Variants in BTRC observed in about 807,000 individuals in gnomAD.
The protein encoded by BTRC is beta-transducin repeat containing E3 ubiquitin protein ligase.
BTRC carries 42 observed loss-of-function variants against 85.5 expected under a neutral mutation model. The observed-to-expected ratio is 0.49, with a 90% CI of 0.38 to 0.64. The LOEUF (loss-of-function observed/expected upper bound fraction) is 0.64. Ranked by LOEUF, BTRC falls within the 30% of genes least tolerant of loss-of-function variation. The pLI is 0.00. For missense variants in BTRC, 594 were observed against 743.5 expected (o/e 0.80, Z 2.34); for synonymous variants, 255 against 263.3 (o/e 0.97, Z 0.30).
chr10:101,442,736 G>A (rs189078039), intron 2 of BTRC, among the ~76,000 whole-genome samples: 46 of 152,200 alleles, frequency 3.0e-4, no homozygotes, highest in Non-Finnish European at 6.3e-4. Context: ...TAGCATCATA[G>A]AAAGGATAAA....
intron 13 of BTRC, among the ~76,000 whole-genome samples, chr10:101,544,288 T>C (rs963792231): frequency 6.6e-6 from 1 of 152,228 alleles, no homozygotes; most frequent in African/African-American, 2.4e-5. Context: ...TCCCATTCCT[T>C]TGTATAAATT....
chr10:101,546,487 T>A lies in BTRC; in HGVS notation c.1657-4212T>A, dbSNP rs1294895851. On this transcript the variant is annotated intron_variant, in intron 13 of 14. Transcript: ENST00000370187. The stretch of plus-strand genomic sequence containing the variant: ...GGGGAACATGTGATGTTTTGAAAAG[T>A]ATTTTGAAGTAAATAAAAATGAAAA... 2.0e-5 allele frequency among the ~76,000 whole-genome samples: 3 copies of A among 152,280 alleles called. No homozygotes were observed. In the East Asian group the frequency reaches 5.8e-4, roughly 29 times the overall value.
chr10:101,425,272 G>T (rs1408191271), intron 1 of BTRC, among the ~76,000 whole-genome samples: 2 of 152,078 alleles, frequency 1.3e-5, no homozygotes, highest in Non-Finnish European at 2.9e-5. Context: ...TCTGATTCAG[G>T]TAGTAGAAAA....
chr10:101,439,098 T>C (rs1944613110), intron 2 of BTRC, among the ~76,000 whole-genome samples: 1 of 152,210 alleles, frequency 6.6e-6, no homozygotes, highest in African/African-American at 2.4e-5. Flanking sequence ...AGATATTTGA[T>C]TGACAAGTCA....
At chr10:101,366,940 AT>A (rs1564730459) in intron 1 of BTRC, among the ~76,000 whole-genome samples, 817 of 12,922 alleles carry the variant, frequency 0.063, 87 homozygotes, top group African/African-American at 0.24. Context: ...ATATATATTT[AT>A]ATATATTTAT....
At chr10:101,407,695 C>G (rs1484957736) in intron 1 of BTRC, among the ~76,000 whole-genome samples, 1 of 150,566 alleles carries the variant, frequency 6.6e-6, no homozygotes, top group Non-Finnish European at 1.5e-5. Flanking sequence ...CAGCCTAACA[C>G]AGTGTAGTTT....
chr10:101,432,872 T>A (rs1027595281), intron 2 of BTRC, among the ~76,000 whole-genome samples: 12 of 152,136 alleles, frequency 7.9e-5, no homozygotes, highest in African/African-American at 2.7e-4. Context: ...TCACAGAGTA[T>A]TACCAACCAT....
intron 1 of BTRC, among the ~76,000 whole-genome samples, chr10:101,426,591 G>A (rs550565618): frequency 6.6e-6 from 1 of 152,204 alleles, no homozygotes; most frequent in Admixed American, 6.5e-5. Context: ...AAATGAATGA[G>A]GAAGTGTGTT....
At chr10:101,454,589 G>A (rs1369691129) in intron 2 of BTRC, among the ~76,000 whole-genome samples, 1 of 152,022 alleles carries the variant, frequency 6.6e-6, no homozygotes, top group Admixed American at 6.6e-5. Flanking sequence ...AGACCAGCTG[G>A]GTAATATAGT....
upstream of BTRC, chr10:101,354,103 T>G (rs1941955819): frequency 2.0e-6 from 3 of 1,502,402 alleles, no homozygotes; most frequent in Non-Finnish European, 2.7e-6. Context: ...GGAGGCGGGA[T>G]CCGGGCGCTG....
intron 13 of BTRC, among the ~76,000 whole-genome samples, chr10:101,548,905 T>C (rs2062601038): frequency 6.7e-6 from 1 of 150,078 alleles, no homozygotes; most frequent in African/African-American, 2.5e-5. Flanking sequence ...ATACAAAAAT[T>C]AGCTGGGTGT....
At chr10:101,490,449 C>T (rs531943164) in intron 4 of BTRC, among the ~76,000 whole-genome samples, 5 of 152,298 alleles carry the variant, frequency 3.3e-5, no homozygotes, top group South Asian at 2.1e-4. Context: ...AAACGAGGAA[C>T]GAGAAGCTTA....
Position 101,556,136 on chromosome 10 carries a change from A to G in BTRC, c.*3013A>G, listed in dbSNP as rs945338734. 3.3e-5 allele frequency: 5 copies of G among 152,172 alleles called. No individual in the cohort carries two copies. Among genetic ancestry groups the G allele is most frequent in the Admixed American group, 6.5e-5 (1 of 15,282 alleles). The allele number at this position is 152,172 out of a possible 1,614,324, so 9.4% of individuals were successfully genotyped here. A position where few individuals can be genotyped will look rare whatever the true frequency, so the allele number is the denominator to read the frequency against. On this transcript the variant is annotated 3_prime_UTR_variant, in exon 15 of 15. Transcript: ENST00000370187. Reference sequence around the variant, plus strand: ...AAGTAATAAAAGTCTGGCCCTCATAACTTGTTTCCGAACTAGAAAAGTCTG... The same window carrying G: ...AAGTAATAAAAGTCTGGCCCTCATAGCTTGTTTCCGAACTAGAAAAGTCTG...
At chr10:101,507,969 C>A (rs1195436446) in intron 4 of BTRC, among the ~76,000 whole-genome samples, 9 of 152,144 alleles carry the variant, frequency 5.9e-5, no homozygotes, top group African/African-American at 2.2e-4. Flanking sequence ...AATTAAACTG[C>A]TGTGAATTTC....
chr10:101,478,473 AT>A (rs916358879), intron 3 of BTRC, among the ~76,000 whole-genome samples: 2 of 151,532 alleles, frequency 1.3e-5, no homozygotes, highest in African/African-American at 4.9e-5. Context: ...ATGGTTTAAA[AT>A]TTTTTCATTT....
chr10:101,535,921 T>C (rs1309831465), intron 11 of BTRC, among the ~76,000 whole-genome samples: 1 of 152,210 alleles, frequency 6.6e-6, no homozygotes, highest in Non-Finnish European at 1.5e-5. Context: ...GGAAGATTTA[T>C]CCATCCTCTC....
intron 12 of BTRC, among the ~76,000 whole-genome samples, chr10:101,537,877 A>G (rs1025258709): frequency 6.6e-6 from 1 of 152,200 alleles, no homozygotes; most frequent in Non-Finnish European, 1.5e-5. Context: ...AACATGGCCT[A>G]TTAAAAGATT....
chr10:101,365,752 T>A (rs1942354876), intron 1 of BTRC, among the ~76,000 whole-genome samples: 1 of 152,196 alleles, frequency 6.6e-6, no homozygotes, highest in African/African-American at 2.4e-5. Context: ...GCTGGGATTA[T>A]AGGCATGAGC....
intron 1 of BTRC, among the ~76,000 whole-genome samples, chr10:101,358,197 G>A (rs1942097968): frequency 6.6e-6 from 1 of 152,138 alleles, no homozygotes; most frequent in Non-Finnish European, 1.5e-5. Context: ...AAACTCCCAG[G>A]CTCACATGAT....
Sources: allele counts gnomAD v4.1 joint callset (sites outside exome capture counted in the v4.1 genomes callset), GRCh38; gene constraint gnomAD v4.1.1; transcripts MANE v1.5; gene names NCBI Gene and HGNC (gene_info 2026-07-23, HGNC 2026-07-21).